COL22A1: variants seen among roughly 807,000 people sequenced by gnomAD.
COL22A1 encodes collagen alpha-1(XXII) chain.
In COL22A1, 221 loss-of-function variants were observed where a neutral mutation model predicts 248.9. The observed-to-expected ratio is 0.89, with a 90% CI of 0.80 to 0.99. The LOEUF (loss-of-function observed/expected upper bound fraction) is 0.99. Ranked by LOEUF, COL22A1 falls within the 50% of genes least tolerant of loss-of-function variation. The pLI is 0.00. For missense variants in COL22A1, 2,240 were observed against 2,179.0 expected (o/e 1.03, Z -0.56); for synonymous variants, 891 against 793.4 (o/e 1.12, Z -2.07).
At chr8:138,695,159 C>T (rs1486276660) in intron 32 of COL22A1, among the ~76,000 whole-genome samples, 1 of 152,132 alleles carries the variant, frequency 6.6e-6, no homozygotes, top group Non-Finnish European at 1.5e-5. Flanking sequence ...TGTACTGTGC[C>T]TTTCTCCTCC....
intron 23 of COL22A1, among the ~76,000 whole-genome samples, chr8:138,726,111 C>A (rs1322899754): frequency 1.3e-5 from 2 of 150,662 alleles, no homozygotes; most frequent in African/African-American, 4.9e-5. Context: ...GTACTGTTAG[C>A]AAACAGAAAC....
chr8:138,738,010 C>T (rs552390829), intron 22 of COL22A1, among the ~76,000 whole-genome samples: 1 of 152,168 alleles, frequency 6.6e-6, no homozygotes, highest in East Asian at 1.9e-4. Flanking sequence ...ACTCCCCCGT[C>T]CCCCGTTTCT....
intron 21 of COL22A1, among the ~76,000 whole-genome samples, 185 bp from the exon 22 acceptor site, chr8:138,751,696 G>A (rs1220898563): frequency 6.6e-6 from 1 of 152,204 alleles, no homozygotes; most frequent in Non-Finnish European, 1.5e-5. Flanking sequence ...ACATCTATCA[G>A]ATCTGATTAA....
intron 23 of COL22A1, among the ~76,000 whole-genome samples, chr8:138,734,519 T>C (rs937424454): frequency 1.3e-5 from 2 of 152,182 alleles, no homozygotes; most frequent in African/African-American, 4.8e-5. Flanking sequence ...ATGGCTGAGA[T>C]GCATAGAAAC....
At position 138,805,850 on chromosome 8, in the gene COL22A1, GTGA is replaced by G. The variant is rs1817553320; in HGVS notation, c.1494+1915_1494+1917del. ...TGTTTTTGATGGTGTGTGTGTATGT[GTGA>G]TGGTGTGTGTGAGATGGTGTGTTTG... On this transcript the variant is annotated intron_variant, in intron 10 of 64. Transcript: ENST00000303045. Among the ~76,000 whole-genome samples the G allele has an allele frequency of 6.1e-5, 9 of 147,544 alleles. No homozygotes were observed. The South Asian group carries it at 2.0e-3, about 32-fold the overall frequency.
intron 60 of COL22A1, among the ~76,000 whole-genome samples, chr8:138,601,523 A>G (rs1400691167): frequency 1.3e-5 from 2 of 152,208 alleles, no homozygotes; most frequent in African/African-American, 4.8e-5. Context: ...TGGGCAAACG[A>G]GACGCATAAA....
chr8:138,670,397 A>G (rs920047685), intron 41 of COL22A1, among the ~76,000 whole-genome samples: 1 of 152,102 alleles, frequency 6.6e-6, no homozygotes, highest in East Asian at 1.9e-4. Context: ...ACATTCCTTG[A>G]GCATCGGCCA....
intron 47 of COL22A1, among the ~76,000 whole-genome samples, chr8:138,642,125 T>C (rs558434900): frequency 2.0e-4 from 30 of 152,268 alleles, no homozygotes; most frequent in South Asian, 1.0e-3. Flanking sequence ...GACTAAAGCA[T>C]TGCACCCCAT....
chr8:138,615,087 T>C (rs1338193347), intron 55 of COL22A1, among the ~76,000 whole-genome samples: 4 of 152,188 alleles, frequency 2.6e-5, no homozygotes, highest in Non-Finnish European at 5.9e-5. Flanking sequence ...GGACGCCACA[T>C]GCAAAGGGCT....
chr8:138,830,354 G>GA (rs886952572), intron 5 of COL22A1, among the ~76,000 whole-genome samples: 3 of 152,102 alleles, frequency 2.0e-5, no homozygotes, highest in East Asian at 3.9e-4. Flanking sequence ...AAAAAGGTGA[G>GA]AAAAAATGTA....
At chr8:138,622,990 T>C (rs1028058336) in intron 52 of COL22A1, among the ~76,000 whole-genome samples, 1 of 151,916 alleles carries the variant, frequency 6.6e-6, no homozygotes, top group Admixed American at 6.6e-5. Context: ...TGAATCATCA[T>C]GATGAATCTC....
At chr8:138,787,779 A>G (rs1815668734) in intron 12 of COL22A1, among the ~76,000 whole-genome samples, 1 of 152,034 alleles carries the variant, frequency 6.6e-6, no homozygotes, top group Non-Finnish European at 1.5e-5. Context: ...CTCTCCCTCC[A>G]CCACATACAA....
chr8:138,855,228 C>G (rs1224068746), intron 3 of COL22A1, among the ~76,000 whole-genome samples: 1 of 152,242 alleles, frequency 6.6e-6, no homozygotes. Context: ...TTTCAATTCA[C>G]TTTGCATACA....
chr8:138,694,978 T>C, intron 32 of COL22A1, 99 bp from the exon 33 acceptor site: 1 of 1,109,460 alleles, frequency 9.0e-7, no homozygotes, highest in Non-Finnish European at 1.3e-6. Context: ...CCACCTCCAG[T>C]CCTGTGTATC....
intron 16 of COL22A1, among the ~76,000 whole-genome samples, chr8:138,767,949 G>A (rs1275250391): frequency 6.6e-6 from 1 of 152,182 alleles, no homozygotes; most frequent in Admixed American, 6.5e-5. Context: ...CATATAACAT[G>A]GGTGCTAGAA....
In COL22A1 at chr8:138,835,823, T is replaced by C. The variant is rs1434804910; in HGVS notation, c.734-2673A>G. ...TATTTCTTCTGCAGTTTTGTAAAAT[T>C]GGGATAATAATAACAGTGTAGTAGA... On this transcript the variant is annotated intron_variant, in intron 4 of 64. Coordinates refer to ENST00000303045, the MANE Select transcript of COL22A1 (RefSeq NM_152888.3). Among the ~76,000 whole-genome samples, 14 of 113,252 alleles carry C rather than the reference T, an allele frequency of 1.2e-4. No homozygotes were observed. The Admixed American group carries it at 1.4e-3, about 11-fold the overall frequency. 74.3% of individuals were successfully genotyped at this position (113,252 alleles called of 152,430 possible). A position where few individuals can be genotyped will look rare whatever the true frequency, so the allele number is the denominator to read the frequency against.
chr8:138,755,604 C>T (rs773654402), intron 19 of COL22A1, 93 bp from the exon 20 acceptor site: 7 of 1,447,804 alleles, frequency 4.8e-6, no homozygotes, highest in South Asian at 1.1e-5. Context: ...CATTCACAGG[C>T]CATGCTGTCA....
chr8:138,803,890 T>C (rs1337089409), intron 10 of COL22A1, among the ~76,000 whole-genome samples: 1 of 152,236 alleles, frequency 6.6e-6, no homozygotes, highest in African/African-American at 2.4e-5. Context: ...GCTTATGCTA[T>C]TCCCTTTGGC....
intron 39 of COL22A1, among the ~76,000 whole-genome samples, chr8:138,680,991 C>T (rs544272266): frequency 2.6e-5 from 4 of 151,894 alleles, no homozygotes; most frequent in East Asian, 1.9e-4. Context: ...CTCTTCCCCC[C>T]GGGGGGGGTC....
Sources: allele counts gnomAD v4.1 joint callset (sites outside exome capture counted in the v4.1 genomes callset), GRCh38; gene constraint gnomAD v4.1.1; transcripts MANE v1.5; gene names NCBI Gene and HGNC (gene_info 2026-07-23, HGNC 2026-07-21).